SCFD2: variants seen among roughly 807,000 people sequenced by gnomAD.
SCFD2 encodes the protein sec1 family domain containing 2.
Under a neutral mutation model 58.9 loss-of-function variants are expected in SCFD2, and 54 were observed. The ratio of observed to expected loss-of-function variants is 0.92; its 90% CI spans 0.74 to 1.15. The LOEUF is 1.15. Ranked by LOEUF, SCFD2 falls within the 50% of genes most tolerant of loss-of-function variation. The pLI is 0.00. For synonymous variants in SCFD2, 321 were observed against 335.9 expected (o/e 0.96, Z 0.49); for missense variants, 805 against 836.6 (o/e 0.96, Z 0.47).
At chr4:53,183,933 C>T (rs1727661480) in intron 4 of SCFD2, among the ~76,000 whole-genome samples, 1 of 152,144 alleles carries the variant, frequency 6.6e-6, no homozygotes, top group East Asian at 1.9e-4. Context: ...TTAATCTGAG[C>T]AAGCACATAC....
intron 5 of SCFD2, among the ~76,000 whole-genome samples, chr4:52,972,226 C>A (rs534606144): frequency 6.6e-6 from 1 of 152,086 alleles, no homozygotes; most frequent in African/African-American, 2.4e-5. Flanking sequence ...ACTGGCAAAT[C>A]GGATAAAGAG....
intron 2 of SCFD2, among the ~76,000 whole-genome samples, chr4:53,342,559 A>C (rs1733915343): frequency 6.6e-6 from 1 of 152,228 alleles, no homozygotes; most frequent in Admixed American, 6.5e-5. Context: ...CGAGACAGAA[A>C]GTTAACAAGG....
At chr4:53,305,160 T>A (rs1051477905) in intron 3 of SCFD2, among the ~76,000 whole-genome samples, 26 of 152,318 alleles carry the variant, frequency 1.7e-4, no homozygotes, top group African/African-American at 6.0e-4. Flanking sequence ...CATTATATAT[T>A]AACCCATTAT....
chr4:53,202,763 T>C (rs1051498422), intron 4 of SCFD2, among the ~76,000 whole-genome samples: 47 of 152,228 alleles, frequency 3.1e-4, no homozygotes, highest in African/African-American at 1.1e-3. Flanking sequence ...GTTGGATTCC[T>C]AGGTATTTTA....
intron 5 of SCFD2, among the ~76,000 whole-genome samples, chr4:52,974,568 C>G (rs1168416518): frequency 6.6e-6 from 1 of 152,140 alleles, no homozygotes; most frequent in Non-Finnish European, 1.5e-5. Context: ...TAGGAAGAAT[C>G]AATATCATGA....
At chr4:52,987,065 C>T (rs934337111) in intron 5 of SCFD2, among the ~76,000 whole-genome samples, 5 of 151,446 alleles carry the variant, frequency 3.3e-5, no homozygotes, top group Non-Finnish European at 5.9e-5. Context: ...AGTCTCGCTC[C>T]GTCGCCCAGG....
intron 5 of SCFD2, among the ~76,000 whole-genome samples, chr4:52,974,392 C>T (rs1032815715): frequency 6.6e-6 from 1 of 152,044 alleles, no homozygotes; most frequent in Non-Finnish European, 1.5e-5. Flanking sequence ...AAACAGAGAG[C>T]CAAATCATGA....
At chr4:52,909,271 C>G (rs1719427452) in intron 6 of SCFD2, among the ~76,000 whole-genome samples, 1 of 152,024 alleles carries the variant, frequency 6.6e-6, no homozygotes, top group East Asian at 1.9e-4. Flanking sequence ...TTTGTAGTAC[C>G]AAGATTAGAA....
chr4:53,352,706 A>G lies in SCFD2; in HGVS notation c.899T>C (p.Leu300Pro). ...CATCACATCATTTGTGTGGCCTGGG[A>G]GCTGGGGAAGTGCTGAAATGATCTT... The part of the protein sequence containing the change: ...VEKIISALPQ[L>P]PGHTNDVMVN... Residue 300 changes from leucine (L) to proline (P), a missense_variant, in exon 2 of 9, where the codon CTC becomes CCC. Coordinates refer to ENST00000401642, the MANE Select transcript of SCFD2 (RefSeq NM_152540.4). 1 of 1,614,062 alleles carries G rather than the reference A, an allele frequency of 6.2e-7. No individual in the cohort carries two copies. Among genetic ancestry groups the G allele is most frequent in the Non-Finnish European group, 8.5e-7 (1 of 1,179,974 alleles).
At chr4:53,031,369 C>G (rs543785784) in intron 5 of SCFD2, among the ~76,000 whole-genome samples, 3 of 152,318 alleles carry the variant, frequency 2.0e-5, no homozygotes, top group African/African-American at 7.2e-5. Context: ...AAGGCCTCTT[C>G]TCCTCTAAAG....
chr4:52,883,458 CAAGGCTGATCCTT>C (rs1187546702), intron 8 of SCFD2, among the ~76,000 whole-genome samples: 13 of 152,216 alleles, frequency 8.5e-5, no homozygotes, highest in Admixed American at 3.3e-4. Flanking sequence ...AAGTAGCAGT[CAAGGCTGATCCTT>C]AAGCTCAAAA....
chr4:53,186,312 G>A (rs777143682), intron 4 of SCFD2, among the ~76,000 whole-genome samples: 32 of 151,862 alleles, frequency 2.1e-4, no homozygotes, highest in Middle Eastern at 3.2e-3. Flanking sequence ...ATCTCTTACG[G>A]GACTTACCAT....
At chr4:52,970,937 A>C (rs1721084198) in intron 5 of SCFD2, among the ~76,000 whole-genome samples, 1 of 152,146 alleles carries the variant, frequency 6.6e-6, no homozygotes, top group Non-Finnish European at 1.5e-5. Flanking sequence ...CAAACTCCAA[A>C]AGACCTGCAG....
At chr4:52,919,454 G>C (rs1490223209) in intron 6 of SCFD2, among the ~76,000 whole-genome samples, 1 of 152,184 alleles carries the variant, frequency 6.6e-6, no homozygotes, top group Non-Finnish European at 1.5e-5. Context: ...AGATCTTTGA[G>C]TAAAGGATGA....
At chr4:53,019,577 G>T (rs1292129568) in intron 5 of SCFD2, among the ~76,000 whole-genome samples, 4 of 152,150 alleles carry the variant, frequency 2.6e-5, no homozygotes, top group Non-Finnish European at 5.9e-5. Flanking sequence ...AGGAGTAAAA[G>T]TTCCTCTTGG....
At chr4:53,330,574 T>C (rs1157917407) in intron 2 of SCFD2, among the ~76,000 whole-genome samples, 16 of 151,892 alleles carry the variant, frequency 1.1e-4, no homozygotes, top group African/African-American at 2.2e-4. Flanking sequence ...CAGGCCTGCT[T>C]TACAAGAGCT....
At chr4:52,912,965 C>CCATATTAA (rs1560478938) in intron 6 of SCFD2, among the ~76,000 whole-genome samples, 2 of 152,282 alleles carry the variant, frequency 1.3e-5, no homozygotes, top group Non-Finnish European at 2.9e-5. Context: ...TAGTTTGTCT[C>CCATATTAA]CATATTAAGA....
intron 5 of SCFD2, among the ~76,000 whole-genome samples, chr4:53,108,137 A>C (rs1277267756): frequency 4.6e-5 from 7 of 152,204 alleles, no homozygotes; most frequent in Admixed American, 4.6e-4. Context: ...GTAAATAATG[A>C]AATTAAGGCA....
intron 7 of SCFD2, among the ~76,000 whole-genome samples, chr4:52,890,888 G>A (rs562632025): frequency 1.3e-5 from 2 of 152,132 alleles, no homozygotes; most frequent in South Asian, 4.2e-4. Context: ...CAGTTTCTAG[G>A]CGCCCTCTAA....
Sources: allele counts gnomAD v4.1 joint callset (sites outside exome capture counted in the v4.1 genomes callset), GRCh38; gene constraint gnomAD v4.1.1; transcripts MANE v1.5; gene names NCBI Gene and HGNC (gene_info 2026-07-23, HGNC 2026-07-21).